SCARA5: variants seen among roughly 807,000 people sequenced by gnomAD.
SCARA5 encodes the protein scavenger receptor class A, member 5 (putative).
A neutral mutation model predicts 46.3 loss-of-function variants in SCARA5; 45 were observed. The observed-to-expected ratio is 0.97, with a 90% CI of 0.76 to 1.24. SCARA5 has a LOEUF of 1.24. Among genes scored for constraint, SCARA5 ranks in the 50% most tolerant of loss-of-function variants. The pLI is 0.00. For missense variants in SCARA5, 680 were observed against 689.0 expected, an observed-to-expected ratio of 0.99 and a Z score of 0.15; for synonymous variants, 333 against 306.5, an observed-to-expected ratio of 1.09 and a Z score of -0.90.
rs528032790 is a variant in SCARA5 at position 27,928,563 on chromosome 8, G to T, written c.242-6318C>A. On this transcript the variant is annotated intron_variant, in intron 3 of 8. Transcript: ENST00000354914. ...GACTGATCATGGGCTCTGCAGTTTG[G>T]TTCCAGAGTCCCCAGCTCTTGCCCC... 1.2e-4 allele frequency among the ~76,000 whole-genome samples: 19 copies of T among 152,338 alleles called. No individual in the cohort carries two copies. The South Asian group carries it at 3.9e-3, about 32-fold the overall frequency.
In SCARA5 at chr8:27,921,927, T is replaced by C. The variant is rs1807598549; in HGVS notation, c.560A>G (p.Gln187Arg). The change falls in exon 4 of 9, where the codon CAG becomes CGG. Residue 187 changes from glutamine to arginine, a missense_variant. Transcript: ENST00000354914. ...QSDTAQLELY[Q>R]LQVESNSSQL... ...GCTACTGTTGCTCTCCACCTGCAGCTGGTAGAGCTCCAGCTGCGCCGTGTC... is the reference window on the plus strand; with the variant it reads ...GCTACTGTTGCTCTCCACCTGCAGCCGGTAGAGCTCCAGCTGCGCCGTGTC... 2 of 1,534,454 alleles carry C rather than the reference T, an allele frequency of 1.3e-6. No individual in the cohort carries two copies. The highest frequency in any genetic ancestry group is 1.7e-6 in the Non-Finnish European group (2 of 1,149,054).
chr8:27,973,063 CA>C (rs1808470639), intron 2 of SCARA5, among the ~76,000 whole-genome samples: 1 of 152,186 alleles, frequency 6.6e-6, no homozygotes, highest in Admixed American at 6.5e-5. Flanking sequence ...GCAAAGCAAA[CA>C]CATGTGAACA....
rs1808738095 is a variant in SCARA5 at position 27,988,476 on chromosome 8, A to G, written c.-15-846T>C. Among the ~76,000 whole-genome samples the G allele has an allele frequency of 2.0e-5, 3 of 152,340 alleles. No individual in the cohort carries two copies. The South Asian group carries it at 6.2e-4, about 32-fold the overall frequency. On this transcript the variant is annotated intron_variant, in intron 1 of 8. Transcript: ENST00000354914. ...CACGATCCCATTTTGTAAGACATGC[A>G]CGCGTAAGGTGCGTGTGGATGTAAG...
intron 3 of SCARA5, among the ~76,000 whole-genome samples, chr8:27,962,331 CA>C (rs759978881): frequency 2.6e-4 from 39 of 152,150 alleles, no homozygotes; most frequent in Non-Finnish European, 4.4e-4. Context: ...AAGGTGAAAA[CA>C]AATTCCTCGA....
At chr8:27,924,005 G>GT (rs1328326309) in intron 3 of SCARA5, among the ~76,000 whole-genome samples, 1 of 152,178 alleles carries the variant, frequency 6.6e-6, no homozygotes, top group Non-Finnish European at 1.5e-5. Flanking sequence ...GAACAGTGAT[G>GT]TGTGTCTTCA....
At chr8:27,986,286 C>T (rs11136022) in intron 2 of SCARA5, among the ~76,000 whole-genome samples, 1 of 151,986 alleles carries the variant, frequency 6.6e-6, no homozygotes, top group Non-Finnish European at 1.5e-5. Flanking sequence ...AGACAATCTC[C>T]TTCAGTCTTC....
intron 2 of SCARA5, among the ~76,000 whole-genome samples, chr8:27,970,264 G>C (rs1446991313): frequency 6.6e-6 from 1 of 152,134 alleles, no homozygotes; most frequent in African/African-American, 2.4e-5. Flanking sequence ...GATGATGGCA[G>C]CCTGGCCAAT....
At chr8:27,921,325 T>C (rs2685320) in intron 4 of SCARA5, among the ~76,000 whole-genome samples, 54,754 of 152,046 alleles carry the variant, frequency 0.36, 10,069 homozygotes, top group African/African-American at 0.4. Flanking sequence ...CTGAATCTGC[T>C]CTCTACCCGA....
intron 2 of SCARA5, among the ~76,000 whole-genome samples, chr8:27,977,063 C>T (rs894086472): frequency 1.3e-5 from 2 of 152,178 alleles, no homozygotes; most frequent in Non-Finnish European, 2.9e-5. Flanking sequence ...GACCAAGGCA[C>T]CGGCAGATCA....
intron 3 of SCARA5, among the ~76,000 whole-genome samples, chr8:27,939,844 T>G (rs551282559): frequency 6.6e-6 from 1 of 152,302 alleles, no homozygotes; most frequent in African/African-American, 2.4e-5. Flanking sequence ...AAGATAACAC[T>G]GCTAGTGAAT....
chr8:27,933,083 C>A (rs1807802665), intron 3 of SCARA5, among the ~76,000 whole-genome samples: 1 of 152,212 alleles, frequency 6.6e-6, no homozygotes, highest in South Asian at 2.1e-4. Flanking sequence ...TAGTGGGATA[C>A]AGTTCAGCCC....
chr8:27,988,916 T>C (rs572849739), intron 1 of SCARA5, among the ~76,000 whole-genome samples: 3 of 152,106 alleles, frequency 2.0e-5, no homozygotes, highest in African/African-American at 7.2e-5. Context: ...GAGGAGAGGA[T>C]GCAGGGCTGG....
intron 1 of SCARA5, among the ~76,000 whole-genome samples, chr8:27,988,379 C>A (rs1275472944): frequency 1.3e-5 from 2 of 152,208 alleles, no homozygotes; most frequent in African/African-American, 4.8e-5. Context: ...GGTCCAGGAG[C>A]ATATACATTG....
intron 3 of SCARA5, among the ~76,000 whole-genome samples, chr8:27,963,863 T>A (rs1808326128): frequency 6.6e-6 from 1 of 151,962 alleles, no homozygotes; most frequent in Non-Finnish European, 1.5e-5. Flanking sequence ...CAGTGGACAA[T>A]TTTGTCATCC....
intron 3 of SCARA5, among the ~76,000 whole-genome samples, chr8:27,942,691 C>T (rs1399846529): frequency 6.6e-6 from 1 of 152,162 alleles, no homozygotes; most frequent in Non-Finnish European, 1.5e-5. Flanking sequence ...GTTACGCTGA[C>T]TTGGCCCTTT....
At chr8:27,984,273 G>C (rs1808666943) in intron 2 of SCARA5, among the ~76,000 whole-genome samples, 1 of 152,176 alleles carries the variant, frequency 6.6e-6, no homozygotes. Context: ...AAAGGAAAAG[G>C]GGGAAAAATC....
intron 7 of SCARA5, among the ~76,000 whole-genome samples, chr8:27,894,422 C>A (rs948198379): frequency 6.6e-6 from 1 of 152,234 alleles, no homozygotes; most frequent in African/African-American, 2.4e-5. Flanking sequence ...TCTGCCGGAT[C>A]CACTCTTCTC....
At chr8:27,898,784 G>A (rs1239055255) in intron 7 of SCARA5, among the ~76,000 whole-genome samples, 1 of 152,112 alleles carries the variant, frequency 6.6e-6, no homozygotes, top group Non-Finnish European at 1.5e-5. Flanking sequence ...AGTGGAGAGG[G>A]GCTGCAAAGA....
intron 4 of SCARA5, among the ~76,000 whole-genome samples, chr8:27,914,805 C>A (rs1264976011): frequency 6.6e-6 from 1 of 152,194 alleles, no homozygotes; most frequent in Non-Finnish European, 1.5e-5. Flanking sequence ...CCCCTCAGTG[C>A]AGTTGCTCCC....
Sources: allele counts gnomAD v4.1 joint callset (sites outside exome capture counted in the v4.1 genomes callset), GRCh38; gene constraint gnomAD v4.1.1; transcripts MANE v1.5; gene names NCBI Gene and HGNC (gene_info 2026-07-23, HGNC 2026-07-21).